The following MBD5 variants were observed in gnomAD, a reference collection of about 807,000 sequenced individuals.
MBD5 encodes the protein methyl-CpG-binding domain protein 5.
MBD5 carries 13 observed loss-of-function variants against 117.3 expected under a neutral mutation model. The observed-to-expected ratio is 0.11, with a 90% CI of 0.07 to 0.18. The LOEUF is 0.18. Among genes scored for constraint, MBD5 ranks in the 10% least tolerant of loss-of-function variants. The probability of loss-of-function intolerance (pLI) is 1.00; values close to 1 mark genes in which losing one functional copy is unlikely to be tolerated. For synonymous variants in MBD5, 727 were observed against 766.4 expected (o/e 0.95, Z 0.85); for missense variants, 1,879 against 2,093.8 (o/e 0.90, Z 2.00).
At chr2:148,122,315 A>G (rs1696788344) in intron 1 of MBD5, among the ~76,000 whole-genome samples, 1 of 152,180 alleles carries the variant, frequency 6.6e-6, no homozygotes, top group South Asian at 2.1e-4. Context: ...TTTAGAAACA[A>G]TACCTGATTA....
intron 4 of MBD5, among the ~76,000 whole-genome samples, chr2:148,440,588 C>G (rs1706288722): frequency 6.6e-6 from 1 of 150,878 alleles, no homozygotes; most frequent in South Asian, 2.1e-4. Context: ...GTAAAAAAAG[C>G]AAGTTTTTTA....
At position 148,512,964 on chromosome 2, in the gene MBD5, C is replaced by T. The variant is rs777961456; in HGVS notation, c.*23C>T. ...TAACAGAGACTACTCCACTAATGCG[C>T]AGTGTTTATTAAAGGAACATGCACA... is the stretch of plus-strand genomic sequence containing the variant. On this transcript the variant is annotated 3_prime_UTR_variant, in exon 14 of 14. Transcript: ENST00000642680. 4 of 1,598,326 alleles carry T rather than the reference C, an allele frequency of 2.5e-6. No homozygotes were observed. The East Asian group carries it at 6.7e-5, about 27-fold the overall frequency.
chr2:148,445,905 A>C (rs141059094), intron 4 of MBD5, among the ~76,000 whole-genome samples: 1 of 150,856 alleles, frequency 6.6e-6, no homozygotes, highest in Admixed American at 6.6e-5. Context: ...GCATTTTTTC[A>C]TGTGTCTGTT....
chr2:148,441,773 T>G (rs967223343), intron 4 of MBD5, among the ~76,000 whole-genome samples: 1 of 151,848 alleles, frequency 6.6e-6, no homozygotes, highest in African/African-American at 2.4e-5. Context: ...ACCTGTTGTT[T>G]CCTGACTTTT....
chr2:148,450,894 T>G (rs1335523098), intron 4 of MBD5, among the ~76,000 whole-genome samples: 1 of 152,104 alleles, frequency 6.6e-6, no homozygotes, highest in East Asian at 1.9e-4. Flanking sequence ...TAAATAAACT[T>G]ATTGACCAAA....
chr2:148,288,512 T>G (rs1348281549), intron 3 of MBD5, among the ~76,000 whole-genome samples: 4 of 151,802 alleles, frequency 2.6e-5, no homozygotes, highest in Non-Finnish European at 5.9e-5. Context: ...ATGAATCATA[T>G]TCTACTATCC....
intron 1 of MBD5, among the ~76,000 whole-genome samples, chr2:148,169,575 C>T (rs948819674): frequency 1.3e-5 from 2 of 152,068 alleles, no homozygotes; most frequent in African/African-American, 4.8e-5. Context: ...TTATTTATTC[C>T]AGCTGGAGAG....
At chr2:148,228,230 T>G (rs552030191) in intron 2 of MBD5, among the ~76,000 whole-genome samples, 3 of 152,310 alleles carry the variant, frequency 2.0e-5, no homozygotes, top group African/African-American at 7.2e-5. Context: ...CCATTCAGTA[T>G]GATATTGGCT....
At chr2:148,258,654 C>A (rs557036229) in intron 3 of MBD5, among the ~76,000 whole-genome samples, 1 of 152,268 alleles carries the variant, frequency 6.6e-6, no homozygotes, top group African/African-American at 2.4e-5. Flanking sequence ...GTATTTCTCC[C>A]CCTTGGGCAT....
At chr2:148,157,252 A>G (rs903424657) in intron 1 of MBD5, among the ~76,000 whole-genome samples, 1 of 151,984 alleles carries the variant, frequency 6.6e-6, no homozygotes, top group African/African-American at 2.4e-5. Context: ...CCTGTCATCT[A>G]CATTAGGTAT....
intron 6 of MBD5, 31 bp downstream of exon 6, chr2:148,462,715 G>A (rs775095217): frequency 7.2e-7 from 1 of 1,390,772 alleles, no homozygotes; most frequent in Non-Finnish European, 1.0e-6. Context: ...CTACAGCAGT[G>A]TTTTATTTTT....
At chr2:148,221,190 G>A (rs1015495005) in intron 2 of MBD5, among the ~76,000 whole-genome samples, 10 of 152,024 alleles carry the variant, frequency 6.6e-5, no homozygotes, top group African/African-American at 2.4e-4. Flanking sequence ...GGACACTTAG[G>A]TTGCTTCCAA....
intron 4 of MBD5, among the ~76,000 whole-genome samples, chr2:148,456,436 G>A (rs535901198): frequency 2.5e-4 from 38 of 152,118 alleles, no homozygotes; most frequent in Non-Finnish European, 5.0e-4. Context: ...TTCAACCTAC[G>A]GATTTGGGGG....
chr2:148,364,050 C>T (rs1214821156), intron 4 of MBD5, among the ~76,000 whole-genome samples: 2 of 152,068 alleles, frequency 1.3e-5, no homozygotes, highest in African/African-American at 2.4e-5. Flanking sequence ...TCGACAGATT[C>T]GCCAAGGTTG....
chr2:148,372,321 A>C (rs1259552459), intron 4 of MBD5, among the ~76,000 whole-genome samples: 1 of 152,114 alleles, frequency 6.6e-6, no homozygotes, highest in Non-Finnish European at 1.5e-5. Flanking sequence ...AATAATAATA[A>C]TGAAGATTTT....
chr2:148,119,429 T>A (rs1597406), intron 1 of MBD5, among the ~76,000 whole-genome samples: 66,439 of 151,956 alleles, frequency 0.44, 14,691 homozygotes, highest in South Asian at 0.51. Flanking sequence ...CCTATGTGAT[T>A]TACAAATATT....
At chr2:148,381,738 C>T (rs140542196) in intron 4 of MBD5, among the ~76,000 whole-genome samples, 18,914 of 152,174 alleles carry the variant, frequency 0.12, 1,562 homozygotes, top group Non-Finnish European at 0.19. Flanking sequence ...AAGGGAAGCC[C>T]ATCACACTAA....
At chr2:148,424,297 A>C (rs1705710098) in intron 4 of MBD5, among the ~76,000 whole-genome samples, 1 of 151,866 alleles carries the variant, frequency 6.6e-6, no homozygotes, top group African/African-American at 2.4e-5. Context: ...AGGGCATTAC[A>C]TAATGATAAA....
chr2:148,035,980 C>T (rs1694185457), intron 1 of MBD5, among the ~76,000 whole-genome samples: 2 of 152,050 alleles, frequency 1.3e-5, no homozygotes, highest in Admixed American at 6.6e-5. Flanking sequence ...AAAATAGTGA[C>T]TAGTATATTA....
Sources: gnomAD v4.1 joint callset for allele counts (sites outside exome capture counted in the v4.1 genomes callset) on GRCh38, gnomAD v4.1.1 for gene constraint, MANE v1.5 for transcripts, NCBI Gene and HGNC (gene_info 2026-07-23, HGNC 2026-07-21) for gene names.